NDRG2: variants seen among roughly 807,000 people sequenced by gnomAD.
NDRG2 encodes NDRG family member 2, also known as protein NDRG2.
NDRG2 carries 34 observed loss-of-function variants against 58.2 expected under a neutral mutation model. That is an observed-to-expected ratio of 0.58 (90% CI 0.44 to 0.78). The LOEUF is 0.78. Among genes scored for constraint, NDRG2 ranks in the 30% least tolerant of loss-of-function variants. NDRG2 has a pLI of 0.00. For missense variants in NDRG2, 434 were observed against 471.2 expected (o/e 0.92, Z 0.73); for synonymous variants, 187 against 175.9 (o/e 1.06, Z -0.50).
chr14:21,019,799 G>T, intron 9 of NDRG2, 57 bp from the exon 10 acceptor site: 1 of 1,514,394 alleles, frequency 6.6e-7, no homozygotes, highest in Non-Finnish European at 9.2e-7. Context: ...AACAATTACT[G>T]GAGGAAAAGA....
At chr14:21,020,307 A>AAG in intron 8 of NDRG2, 189 bp downstream of exon 8, 1 of 582,032 alleles carries the variant, frequency 1.7e-6, no homozygotes, top group Non-Finnish European at 3.0e-6. Flanking sequence ...AAAAAAAAAA[A>AAG]AAAGAAAAAG....
chr14:21,059,055 G>T (rs1885815905), intron 1 of NDRG2, among the ~76,000 whole-genome samples: 2 of 152,202 alleles, frequency 1.3e-5, no homozygotes, highest in African/African-American at 2.4e-5. Context: ...GGGCTCTCTG[G>T]TGGCCCCCTC....
chr14:21,044,822 G>A (rs1885074788), intron 1 of NDRG2, among the ~76,000 whole-genome samples: 1 of 152,114 alleles, frequency 6.6e-6, no homozygotes, highest in African/African-American at 2.4e-5. Flanking sequence ...CAACCCTGCT[G>A]AGGATTCCAC....
upstream of NDRG2, chr14:21,025,085 G>A (rs1594455900): frequency 1.0e-6 from 1 of 986,108 alleles, no homozygotes. The surrounding 1 kb of genome is among the most constrained non-coding windows in gnomAD (Gnocchi z 5.1). Flanking sequence ...GCCCGCCCCG[G>A]CTCGGGCTTC....
rs758108745 is a variant in NDRG2 at position 21,070,441 on chromosome 14, G to A, written c.24+387C>T. On this transcript the variant is annotated intron_variant, in intron 1 of 14. Coordinates refer to the NDRG2 transcript ENST00000403829. This position sits in a 1 kb window ranked among gnomAD's most constrained non-coding sequence, Gnocchi z 4.7. Reference sequence around the variant, plus strand: ...AGCCCCCTGGGTCCCCTCGGCCTTCGCGCAGCCCGCTCCGGGCCCCCAAGT... The same window carrying A: ...AGCCCCCTGGGTCCCCTCGGCCTTCACGCAGCCCGCTCCGGGCCCCCAAGT... The A allele has an allele frequency of 6.6e-6, 9 of 1,370,496 alleles. No homozygotes were observed. In the East Asian group the frequency reaches 2.4e-4, roughly 36 times the overall value. 84.9% of individuals were successfully genotyped at this position (1,370,496 alleles called of 1,614,324 possible).
intron 12 of NDRG2, 111 bp downstream of exon 12, chr14:21,018,652 A>G (rs565281124): frequency 6.3e-7 from 1 of 1,576,624 alleles, no homozygotes; most frequent in Non-Finnish European, 8.6e-7. Context: ...TAGTGCCCCA[A>G]AGTTGATCTC....
intron 1 of NDRG2, chr14:21,034,110 C>G (rs904530643): frequency 6.2e-7 from 1 of 1,614,012 alleles, no homozygotes; most frequent in African/African-American, 1.3e-5. Context: ...CATCTTGCCT[C>G]GCATATAGGA....
intron 1 of NDRG2, among the ~76,000 whole-genome samples, chr14:21,048,071 C>T (rs1242502502): frequency 1.3e-5 from 2 of 152,046 alleles, no homozygotes; most frequent in African/African-American, 4.8e-5. Flanking sequence ...CAACAACATC[C>T]AGGGGGCCTT....
intron 1 of NDRG2, among the ~76,000 whole-genome samples, chr14:21,065,574 A>C (rs1180572685): frequency 6.6e-6 from 1 of 152,222 alleles, no homozygotes; most frequent in Non-Finnish European, 1.5e-5. Context: ...AAATGCTATG[A>C]AGAAAATACA....
chr14:21,046,747 G>A (rs919337177), intron 1 of NDRG2: 17 of 151,708 alleles, frequency 1.1e-4, no homozygotes, highest in Admixed American at 2.0e-4. Flanking sequence ...TAACATAAAC[G>A]TTCAGTTAAC....
chr14:21,053,041 G>A (rs368552497), intron 1 of NDRG2, among the ~76,000 whole-genome samples: 1 of 152,136 alleles, frequency 6.6e-6, no homozygotes, highest in Non-Finnish European at 1.5e-5. Context: ...AACTGGAAGC[G>A]CCAAAAACAG....
At chr14:21,045,524 G>C (rs554035196) in intron 1 of NDRG2, among the ~76,000 whole-genome samples, 1 of 152,300 alleles carries the variant, frequency 6.6e-6, no homozygotes, top group African/African-American at 2.4e-5. Context: ...ATTTTCACTT[G>C]TGGTGCACAG....
chr14:21,059,338 C>T (rs1885829465), intron 1 of NDRG2, among the ~76,000 whole-genome samples: 1 of 152,070 alleles, frequency 6.6e-6, no homozygotes, highest in Admixed American at 6.6e-5. Context: ...TAGACCAATA[C>T]TTTTGTAAAA....
At chr14:21,036,528 G>A (rs1022903403) in intron 1 of NDRG2, among the ~76,000 whole-genome samples, 2 of 152,114 alleles carry the variant, frequency 1.3e-5, no homozygotes, top group African/African-American at 2.4e-5. Context: ...TGTGACCCGC[G>A]GGCCATGGGT....
At chr14:21,033,728 G>C (rs1324603633) in intron 1 of NDRG2, 1 of 949,658 alleles carries the variant, frequency 1.1e-6, no homozygotes. Context: ...TGCCTCGTAA[G>C]TCAGGAAGGA....
intron 1 of NDRG2, chr14:21,036,187 T>C (rs1172840140): frequency 2.2e-6 from 1 of 456,180 alleles, no homozygotes. Context: ...TATTTCTTCC[T>C]CAGTGGATGC....
At chr14:21,059,848 T>G (rs895714354) in intron 1 of NDRG2, among the ~76,000 whole-genome samples, 7 of 152,200 alleles carry the variant, frequency 4.6e-5, no homozygotes, top group African/African-American at 1.7e-4. Context: ...TAATGTTTCC[T>G]CTCAATTTCT....
At chr14:21,046,305 A>C (rs1168755294) in intron 1 of NDRG2, among the ~76,000 whole-genome samples, 1 of 152,192 alleles carries the variant, frequency 6.6e-6, no homozygotes, top group Non-Finnish European at 1.5e-5. Context: ...AGAGCAGCTT[A>C]CTTGAGCCCA....
chr14:21,043,241 C>A, intron 1 of NDRG2: 1 of 1,614,214 alleles, frequency 6.2e-7, no homozygotes, highest in Non-Finnish European at 8.5e-7. Context: ...CCGCCACCTG[C>A]CAGACCCCCA....
Sources: allele counts gnomAD v4.1 joint callset (sites outside exome capture counted in the v4.1 genomes callset), GRCh38; gene constraint gnomAD v4.1.1; non-coding constraint Gnocchi (gnomAD v3.1); transcripts MANE v1.5; gene names NCBI Gene and HGNC (gene_info 2026-07-23, HGNC 2026-07-21).